The following SMPD3 variants were observed in gnomAD, a reference collection of about 807,000 sequenced individuals.
SMPD3 encodes the protein sphingomyelin phosphodiesterase 3.
Under a neutral mutation model 55.7 loss-of-function variants are expected in SMPD3, and 21 were observed. The ratio of observed to expected loss-of-function variants is 0.38; its 90% confidence interval spans 0.27 to 0.54. The LOEUF (loss-of-function observed/expected upper bound fraction) is 0.54, where lower values mean the gene tolerates loss of function less well. Ranked by LOEUF, SMPD3 falls within the 20% of genes least tolerant of loss-of-function variation. The pLI, the probability that SMPD3 is intolerant of heterozygous loss-of-function variation, is 0.80. For synonymous variants in SMPD3, 457 were observed against 404.3 expected (o/e 1.13, Z -1.56); for missense variants, 842 against 899.6 (o/e 0.94, Z 0.82).
chr16:68,365,444 G>C (rs2089448616), intron 3 of SMPD3, among the ~76,000 whole-genome samples: 1 of 152,136 alleles, frequency 6.6e-6, no homozygotes, highest in Non-Finnish European at 1.5e-5. Flanking sequence ...GTCCAGTCCT[G>C]TCTGTGGCTC....
chr16:68,397,597 T>TAA (rs1409282093), intron 1 of SMPD3, among the ~76,000 whole-genome samples: 6 of 152,166 alleles, frequency 3.9e-5, no homozygotes, highest in Non-Finnish European at 5.9e-5. Context: ...GCCCCCAGGA[T>TAA]AAAATCCATG....
chr16:68,379,944 A>G (rs1348323156), intron 2 of SMPD3, among the ~76,000 whole-genome samples: 2 of 152,374 alleles, frequency 1.3e-5, no homozygotes, highest in East Asian at 1.9e-4. Flanking sequence ...GCAAGAGCCA[A>G]CGTGATGTTT....
At chr16:68,419,052 A>C (rs1704335492) in intron 1 of SMPD3, among the ~76,000 whole-genome samples, 1 of 152,170 alleles carries the variant, frequency 6.6e-6, no homozygotes, top group African/African-American at 2.4e-5. Context: ...AGTATGGTCT[A>C]TTTGTAGAAA....
chr16:68,396,803 A>G (rs563623139), intron 1 of SMPD3, among the ~76,000 whole-genome samples: 1 of 152,372 alleles, frequency 6.6e-6, no homozygotes, highest in South Asian at 2.1e-4. Context: ...TTGTGGTAAA[A>G]CAAAAGAAAA....
intron 1 of SMPD3, among the ~76,000 whole-genome samples, chr16:68,414,286 G>C (rs898387444): frequency 6.6e-6 from 1 of 152,396 alleles, no homozygotes; most frequent in African/African-American, 2.4e-5. Context: ...AGCCTAGAGA[G>C]TAAAAGCCTC....
rs2089168245 is a variant in SMPD3, at chr16:68,360,207, C to G, written c.*999G>C. The G allele has an allele frequency of 6.6e-6, 1 of 152,542 alleles. No individual in the cohort carries two copies. Among genetic ancestry groups the G allele is most frequent in the African/African-American group, 2.4e-5 (1 of 41,464 alleles). The allele number at this position is 152,542 out of a possible 1,614,324, so 9.4% of individuals were successfully genotyped here. A position where few individuals can be genotyped will look rare whatever the true frequency, so the allele number is the denominator to read the frequency against. On this transcript the variant is annotated 3_prime_UTR_variant, in exon 9 of 9. Coordinates refer to ENST00000219334, the MANE Select transcript of SMPD3 (RefSeq NM_018667.4). ...TCCCCAGGGAGGGATTGGTCCCGAA[C>G]CAGAGAGGTGTCCCGTGGGGGAGAG...
chr16:68,361,511 G>A (rs1017026150), intron 8 of SMPD3, 92 bp downstream of exon 8: 75 of 1,537,226 alleles, frequency 4.9e-5, no homozygotes, highest in Admixed American at 1.1e-4. Context: ...GGCCTGGGGC[G>A]TGGGGTTTCA....
chr16:68,361,483 G>A (rs572307864), intron 8 of SMPD3, 120 bp downstream of exon 8: 13 of 1,444,944 alleles, frequency 9.0e-6, no homozygotes, highest in Admixed American at 3.7e-5. Context: ...AGGGAGTGAT[G>A]GGTATCATTG....
chr16:68,436,341 C>T (rs370006604), intron 1 of SMPD3, among the ~76,000 whole-genome samples: 10 of 152,248 alleles, frequency 6.6e-5, no homozygotes, highest in South Asian at 6.2e-4. Context: ...CACACAAGAG[C>T]GTGCATGTGT....
At position 68,371,291 on chromosome 16, in the gene SMPD3, G is replaced by T; in HGVS notation, c.891C>A (p.Ala297=). ...GCCCCTTCACCAGGGACTCCCGGGA[G>T]GCCGAGGGGCTGCCCAGGCTCCCTG... ...GDSGSLGSPS[A]SRESLVKGRA... Residue 297 remains alanine (A), a synonymous_variant, in exon 3 of 9, where the codon GCC becomes GCA. Coordinates refer to ENST00000219334, the MANE Select transcript of SMPD3 (RefSeq NM_018667.4). 1.2e-6 allele frequency: 2 copies of T among 1,603,048 alleles called. No individual in the cohort carries two copies. Among genetic ancestry groups the T allele is most frequent in the Non-Finnish European group, 1.7e-6 (2 of 1,179,064 alleles).
chr16:68,361,768 A>G lies in SMPD3; in HGVS notation c.1710-9T>C, dbSNP rs747634496. On this transcript the variant is annotated splice_polypyrimidine_tract_variant and intron_variant, in intron 7 of 8. Transcript: ENST00000219334. ...CCTCACTCTCCAGGACCCTGTCCACACATGCAGGAGGCAGGTGGGCCCCCA... is the reference window on the plus strand; with the variant it reads ...CCTCACTCTCCAGGACCCTGTCCACGCATGCAGGAGGCAGGTGGGCCCCCA... The G allele has an allele frequency of 3.7e-6, 6 of 1,608,914 alleles. No individual in the cohort carries two copies. The South Asian group carries it at 6.6e-5, about 18-fold the overall frequency.
chr16:68,439,668 G>GC (rs1242372727), intron 1 of SMPD3, among the ~76,000 whole-genome samples: 1 of 152,160 alleles, frequency 6.6e-6, no homozygotes, highest in Non-Finnish European at 1.5e-5. Flanking sequence ...AGTTCAACGT[G>GC]CTCTGTTAAC....
In SMPD3 at chr16:68,365,007, G is replaced by A; in HGVS notation, c.1399+10C>T. ...TGCCTAGAAAAAACACAGGTGGGCG[G>A]CAACCCTACCTTGCGGGGCATGCAG... On this transcript the variant is annotated intron_variant, in intron 4 of 8. Coordinates refer to ENST00000219334, the MANE Select transcript of SMPD3 (RefSeq NM_018667.4). 6.2e-7 allele frequency: 1 copy of A among 1,614,098 alleles called. No individual in the cohort carries two copies. The highest frequency in any genetic ancestry group is 8.5e-7 in the Non-Finnish European group (1 of 1,180,002).
At chr16:68,398,275 T>G (rs913726053) in intron 1 of SMPD3, among the ~76,000 whole-genome samples, 5 of 152,218 alleles carry the variant, frequency 3.3e-5, no homozygotes, top group South Asian at 2.1e-4. Flanking sequence ...AAAAGGTGCT[T>G]GAAATATAGC....
At chr16:68,439,053 G>A (rs1321320988) in intron 1 of SMPD3, among the ~76,000 whole-genome samples, 2 of 152,196 alleles carry the variant, frequency 1.3e-5, no homozygotes, top group African/African-American at 4.8e-5. Context: ...ACACTTGAAC[G>A]AGGGTTAGTA....
At chr16:68,412,991 A>G (rs758035369) in intron 1 of SMPD3, among the ~76,000 whole-genome samples, 1 of 152,266 alleles carries the variant, frequency 6.6e-6, no homozygotes, top group Non-Finnish European at 1.5e-5. Context: ...GTCATTTTAT[A>G]GAAAAGAAAA....
rs1160813276 is a variant in SMPD3, at chr16:68,361,757, A to G, written c.1712T>C (p.Val571Ala). 6.2e-7 allele frequency: 1 copy of G among 1,610,600 alleles called. No individual in the cohort carries two copies. The highest frequency in any genetic ancestry group is 1.3e-5 in the African/African-American group (1 of 74,924). The change falls in exon 8 of 9, where the codon GTC (valine) becomes GCC (alanine). Residue 571 changes from valine to alanine, a missense_variant and splice_region_variant. By Grantham distance (64) the Val-to-Ala change is moderately conservative (BLOSUM62 0). Transcript: ENST00000219334. ...DVCTPDNLQK[V>A]LESEEGRREY... Reference sequence around the variant, plus strand: ...CCTGCGGCCCTCCTCACTCTCCAGGACCCTGTCCACACATGCAGGAGGCAG... The same window carrying G: ...CCTGCGGCCCTCCTCACTCTCCAGGGCCCTGTCCACACATGCAGGAGGCAG...
At chr16:68,381,327 TGA>T (rs1051396448) in intron 2 of SMPD3, among the ~76,000 whole-genome samples, 3 of 152,132 alleles carry the variant, frequency 2.0e-5, no homozygotes, top group African/African-American at 7.2e-5. Flanking sequence ...CCCTCCCCTT[TGA>T]GAGAGGATGC....
intron 1 of SMPD3, among the ~76,000 whole-genome samples, chr16:68,418,035 T>C (rs1409255393): frequency 6.6e-6 from 1 of 152,184 alleles, no homozygotes; most frequent in Non-Finnish European, 1.5e-5. Flanking sequence ...ATGGTACACA[T>C]TCATAACAAC....
Sources: allele counts gnomAD v4.1 joint callset (sites outside exome capture counted in the v4.1 genomes callset), GRCh38; gene constraint gnomAD v4.1.1; transcripts MANE v1.5; gene names NCBI Gene and HGNC (gene_info 2026-07-23, HGNC 2026-07-21).